GPC5: variants seen among roughly 807,000 people sequenced by gnomAD.
GPC5 encodes the protein glypican 5.
GPC5 carries 47 observed loss-of-function variants against 53.9 expected under a neutral mutation model. The observed-to-expected ratio is 0.87, with a 90% CI of 0.69 to 1.11. The LOEUF (loss-of-function observed/expected upper bound fraction) is 1.11. Ranked by LOEUF, GPC5 falls within the 50% of genes most tolerant of loss-of-function variation. The pLI is 0.00. For missense variants in GPC5, 748 were observed against 713.1 expected (o/e 1.05, Z -0.56); for synonymous variants, 286 against 263.3 (o/e 1.09, Z -0.84).
At chr13:92,751,303 TA>T (rs71123435) in intron 7 of GPC5, among the ~76,000 whole-genome samples, 1,175 of 38,700 alleles carry the variant, frequency 0.03, 11 homozygotes, top group African/African-American at 0.067. Context: ...CAGAAACATT[TA>T]AAAAAAAAAA....
At chr13:91,587,697 CTT>C (rs2032650865) in intron 2 of GPC5, among the ~76,000 whole-genome samples, 1 of 152,066 alleles carries the variant, frequency 6.6e-6, no homozygotes, top group African/African-American at 2.4e-5. Flanking sequence ...ATGTTTTACT[CTT>C]TAGCTGTTTT....
intron 7 of GPC5, among the ~76,000 whole-genome samples, chr13:92,382,324 T>C (rs542460639): frequency 1.3e-5 from 2 of 151,944 alleles, no homozygotes; most frequent in East Asian, 3.9e-4. Context: ...CTAAAGAACT[T>C]CTGTAACCAA....
At chr13:92,282,790 G>T (rs558127335) in intron 7 of GPC5, among the ~76,000 whole-genome samples, 1 of 152,272 alleles carries the variant, frequency 6.6e-6, no homozygotes, top group South Asian at 2.1e-4. Flanking sequence ...GCAATAACAT[G>T]CCAAATTGTA....
chr13:91,992,367 T>C (rs1383846093), intron 6 of GPC5, among the ~76,000 whole-genome samples: 1 of 152,024 alleles, frequency 6.6e-6, no homozygotes, highest in Non-Finnish European at 1.5e-5. Flanking sequence ...CAGTAGCCAG[T>C]GGAAAACATA....
At chr13:91,462,271 G>A (rs1214470934) in intron 2 of GPC5, among the ~76,000 whole-genome samples, 3 of 152,034 alleles carry the variant, frequency 2.0e-5, no homozygotes, top group Admixed American at 6.6e-5. Context: ...CACATTTGGG[G>A]GTGTTTGTAG....
chr13:92,640,980 G>C (rs1357425130), intron 7 of GPC5, among the ~76,000 whole-genome samples: 2 of 151,922 alleles, frequency 1.3e-5, no homozygotes, highest in Non-Finnish European at 2.9e-5. Context: ...TGGGGTGGCG[G>C]GGGAGGGGAG....
At chr13:92,156,212 T>C (rs2138999635) in intron 7 of GPC5, among the ~76,000 whole-genome samples, 1 of 152,286 alleles carries the variant, frequency 6.6e-6, no homozygotes, top group Non-Finnish European at 1.5e-5. Context: ...TTTTCCACTT[T>C]CAGCAGTTAC....
intron 5 of GPC5, among the ~76,000 whole-genome samples, chr13:91,830,660 G>C (rs2138853443): frequency 6.7e-6 from 1 of 149,894 alleles, no homozygotes; most frequent in East Asian, 1.9e-4. Flanking sequence ...GCTTCAGCCG[G>C]TCCCTCCGTT....
chr13:92,395,411 A>G (rs532079296), intron 7 of GPC5, among the ~76,000 whole-genome samples: 21 of 152,256 alleles, frequency 1.4e-4, no homozygotes, highest in African/African-American at 4.6e-4. Flanking sequence ...TTTGTCCCTT[A>G]TAGCACTGTT....
chr13:91,950,352 C>T (rs576172079), intron 6 of GPC5, among the ~76,000 whole-genome samples: 3 of 150,716 alleles, frequency 2.0e-5, no homozygotes, highest in East Asian at 3.9e-4. Context: ...CCCCTCCCTC[C>T]TCCTCCCTCC....
chr13:92,374,598 C>G lies in GPC5; in HGVS notation c.1561+229609C>G, dbSNP rs1467289679. On this transcript the variant is annotated intron_variant, in intron 7 of 7. Transcript: ENST00000377067. Reference sequence around the variant, plus strand: ...AATCATCATTCTCAGTAAACTATCGCAAGAACACAAAACCAAACACCGCAT... The same window carrying G: ...AATCATCATTCTCAGTAAACTATCGGAAGAACACAAAACCAAACACCGCAT... Among the ~76,000 whole-genome samples the G allele has an allele frequency of 2.0e-5, 3 of 148,990 alleles. No individual in the cohort carries two copies. The Admixed American group carries it at 2.1e-4, about 10-fold the overall frequency.
chr13:92,289,448 T>C (rs2042978745), intron 7 of GPC5, among the ~76,000 whole-genome samples: 1 of 152,118 alleles, frequency 6.6e-6, no homozygotes, highest in Non-Finnish European at 1.5e-5. Flanking sequence ...GAATGACTTA[T>C]GTTAAATATC....
chr13:91,756,771 AGT>A (rs2037302458), intron 5 of GPC5, among the ~76,000 whole-genome samples: 2 of 130,142 alleles, frequency 1.5e-5, no homozygotes, highest in South Asian at 4.8e-4. Flanking sequence ...AGTATTAGAA[AGT>A]GAGGAAATTC....
chr13:91,528,930 C>G (rs759902042), intron 2 of GPC5, among the ~76,000 whole-genome samples: 1 of 152,290 alleles, frequency 6.6e-6, no homozygotes, highest in East Asian at 1.9e-4. Context: ...GGGGAAACCA[C>G]CCCCATGATC....
chr13:91,812,855 C>T (rs1385306096), intron 5 of GPC5, among the ~76,000 whole-genome samples: 4 of 152,284 alleles, frequency 2.6e-5, no homozygotes, highest in African/African-American at 7.2e-5. Context: ...AGAAAGCTCT[C>T]GCTTTTTCTA....
intron 7 of GPC5, among the ~76,000 whole-genome samples, chr13:92,532,374 T>A (rs964230555): frequency 7.9e-5 from 12 of 152,224 alleles, no homozygotes; most frequent in African/African-American, 2.9e-4. Context: ...GAACTTACTT[T>A]CTAGGAGGAG....
intron 1 of GPC5, among the ~76,000 whole-genome samples, chr13:91,425,577 C>T (rs1878984400): frequency 6.6e-6 from 1 of 152,214 alleles, no homozygotes; most frequent in Admixed American, 6.5e-5. Flanking sequence ...GCCTCTTTCC[C>T]TTCTGCCATG....
chr13:91,906,699 C>T (rs1024588173), intron 5 of GPC5, among the ~76,000 whole-genome samples: 2 of 151,918 alleles, frequency 1.3e-5, no homozygotes, highest in Non-Finnish European at 2.9e-5. Context: ...TTTAAGACAT[C>T]TTTGTGACTA....
At chr13:92,003,105 G>A (rs2040570585) in intron 6 of GPC5, among the ~76,000 whole-genome samples, 1 of 152,136 alleles carries the variant, frequency 6.6e-6, no homozygotes, top group Admixed American at 6.5e-5. Context: ...AAGGTCTGGA[G>A]TTCGAGACCA....
Sources: gnomAD v4.1 joint callset for allele counts (sites outside exome capture counted in the v4.1 genomes callset) on GRCh38, gnomAD v4.1.1 for gene constraint, MANE v1.5 for transcripts, NCBI Gene and HGNC (gene_info 2026-07-23, HGNC 2026-07-21) for gene names.